The following FGA variants were observed in gnomAD, a reference collection of about 807,000 sequenced individuals.
FGA encodes the protein fibrinogen alpha chain, also known as fibrinogen, A alpha polypeptide.
Under a neutral mutation model 20.3 loss-of-function variants are expected in FGA, and 20 were observed. The observed-to-expected ratio is 0.99, with a 90% CI of 0.69 to 1.43. FGA has a LOEUF of 1.43. Ranked by LOEUF, FGA falls within the 40% of genes most tolerant of loss-of-function variation. The pLI is 0.00. For synonymous variants in FGA, 306 were observed against 281.6 expected, an observed-to-expected ratio of 1.09 and a Z score of -0.87; for missense variants, 777 against 784.7, an observed-to-expected ratio of 0.99 and a Z score of 0.12.
downstream of FGA, chr4:154,584,177 C>T: frequency 6.2e-7 from 1 of 1,611,172 alleles, no homozygotes; most frequent in South Asian, 1.1e-5. Context: ...AGGGAATAAT[C>T]TGCCCCTCTA....
chr4:154,590,529 G>C, intron 1 of FGA, 105 bp downstream of exon 1: 3 of 997,122 alleles, frequency 3.0e-6, no homozygotes, highest in Middle Eastern at 4.1e-4. Context: ...GGGTCATAAA[G>C]CTAAGAGTGT....
chr4:154,587,722 A>C (rs1730763303), intron 3 of FGA, 65 bp from the exon 4 acceptor site: 4 of 974,028 alleles, frequency 4.1e-6, no homozygotes, highest in Admixed American at 3.4e-5. Flanking sequence ...GCCAGCAAAA[A>C]AGAAAGGAAG....
At chr4:154,588,655 AG>A in intron 3 of FGA, 137 bp downstream of exon 3, 1 of 678,714 alleles carries the variant, frequency 1.5e-6, no homozygotes, top group African/African-American at 1.8e-5. Flanking sequence ...TAAAATTTTC[AG>A]GGATATTATG....
intron 1 of FGA, 77 bp from the exon 2 acceptor site, chr4:154,589,639 A>T: frequency 6.6e-7 from 1 of 1,525,750 alleles, no homozygotes; most frequent in Non-Finnish European, 9.0e-7. Flanking sequence ...GCATGCCTAC[A>T]AGTCCCCAGG....
chr4:154,588,241 A>T (rs1168666968), intron 3 of FGA, among the ~76,000 whole-genome samples: 1 of 152,236 alleles, frequency 6.6e-6, no homozygotes, highest in Non-Finnish European at 1.5e-5. Context: ...GTAAAAAGGC[A>T]AAGCAAAACT....
intron 3 of FGA, among the ~76,000 whole-genome samples, chr4:154,588,277 C>T (rs1202815115): frequency 6.6e-6 from 1 of 152,174 alleles, no homozygotes; most frequent in African/African-American, 2.4e-5. Flanking sequence ...TCCCTAGACT[C>T]GCTGTCCATG....
At position 154,588,819 on chromosome 4, in the gene FGA, A is replaced by C; in HGVS notation, c.338T>G (p.Leu113Trp). Residue 113 changes from leucine to tryptophan, a missense_variant, in exon 3 of 5, where the codon TTG becomes TGG. Coordinates refer to ENST00000403106, the MANE Select transcript of FGA (RefSeq NM_021871.4). ...ATTGGCTGAGGAAAAATCGCCTCTCAAAATTTCCATTATATTAGTGGTCAA... is the reference window on the plus strand; with the variant it reads ...ATTGGCTGAGGAAAAATCGCCTCTCCAAATTTCCATTATATTAGTGGTCAA... ...HSLTTNIMEI[L>W]RGDFSSANNR... The C allele has an allele frequency of 1.2e-6, 2 of 1,611,924 alleles. No homozygotes were observed. The highest frequency in any genetic ancestry group is 1.7e-6 in the Non-Finnish European group (2 of 1,179,138).
chr4:154,587,436 C>T (rs1019866492), intron 4 of FGA, 76 bp downstream of exon 4: 1 of 1,287,452 alleles, frequency 7.8e-7, no homozygotes, highest in Admixed American at 1.7e-5. Context: ...ATAGTAGACA[C>T]TCAGTGCATA....
In FGA at chr4:154,589,422, C is replaced by A. The variant is rs768859554; in HGVS notation, c.180+15G>T. ...AGAGGGAAGGAATCTCCTGCTTCCC[C>A]CGCTGACTGCTTACCCAGTCTTCAT... On this transcript the variant is annotated intron_variant, in intron 2 of 4. Transcript: ENST00000403106. The A allele has an allele frequency of 6.2e-7, 1 of 1,613,748 alleles. No individual in the cohort carries two copies. Among genetic ancestry groups the A allele is most frequent in the Middle Eastern group, 1.7e-4 (1 of 6,034 alleles).
rs1402885271 is a variant in FGA, at chr4:154,588,879, A to G, written c.278T>C (p.Phe93Ser). 2 of 1,611,670 alleles carry G rather than the reference A, an allele frequency of 1.2e-6. No individual in the cohort carries two copies. The highest frequency in any genetic ancestry group is 2.2e-5 in the South Asian group (2 of 90,968). ...ATCCTTATTGTTCTTCTGATATTCA[A>G]ATAGTGAATTTTTGAGCTTATTTAT... ...NRINKLKNSL[F>S]EYQKNNKDSH... The change falls in exon 3 of 5, where the codon TTT (phenylalanine) becomes TCT (serine). Residue 93 changes from phenylalanine (F) to serine (S), a missense_variant. Transcript: ENST00000403106.
intron 3 of FGA, 101 bp downstream of exon 3, chr4:154,588,692 C>T: frequency 4.5e-6 from 4 of 896,962 alleles, no homozygotes; most frequent in Non-Finnish European, 7.4e-6. Context: ...ACACTAAGTA[C>T]TTTGGGATGA....
At position 154,586,610 on chromosome 4, in the gene FGA, G is replaced by C; in HGVS notation, c.819C>G (p.Gly273=). Reference sequence around the variant, plus strand: ...CTGATCCGGTTCCATAAGAGGTGGAGCCTCCTCGAGTAATCTCATTTCCAC... The same window carrying C: ...CTGATCCGGTTCCATAAGAGGTGGACCCTCCTCGAGTAATCTCATTTCCAC... ...RPGGNEITRG[G]STSYGTGSET... is the part of the protein sequence containing the mutation. The change falls in exon 5 of 5, where the codon GGC becomes GGG. Residue 273 remains glycine, a synonymous_variant. Transcript: ENST00000403106. 2 of 1,613,974 alleles carry C rather than the reference G, an allele frequency of 1.2e-6. No individual in the cohort carries two copies. Among genetic ancestry groups the C allele is most frequent in the Non-Finnish European group, 1.7e-6 (2 of 1,179,960 alleles).
Position 154,586,798 on chromosome 4 carries a change from C to G in FGA, c.631G>C (p.Asp211His), listed in dbSNP as rs765862926. The change falls in exon 5 of 5, where the codon GAC becomes CAC. Residue 211 changes from aspartate to histidine, a missense_variant. Asp to His is a moderately conservative substitution (Grantham distance 81). Coordinates refer to ENST00000403106, the MANE Select transcript of FGA (RefSeq NM_021871.4). ...TGCCTATCTCTAGAGGGAAGTAAGTCTTTGGCAATGACCTGTTCAAGTTGC... is the reference window on the plus strand; with the variant it reads ...TGCCTATCTCTAGAGGGAAGTAAGTGTTTGGCAATGACCTGTTCAAGTTGC... ...QKQLEQVIAKDLLPSRDRQHL... is the reference protein window; with the variant it reads ...QKQLEQVIAKHLLPSRDRQHL... 1.2e-6 allele frequency: 2 copies of G among 1,614,130 alleles called. No homozygotes were observed. The highest frequency in any genetic ancestry group is 1.7e-6 in the Non-Finnish European group (2 of 1,180,018).
In FGA at chr4:154,587,572, C is replaced by A. The variant is rs368446857; in HGVS notation, c.450G>T (p.Gln150His). The A allele has an allele frequency of 1.2e-6, 2 of 1,613,962 alleles. No homozygotes were observed. Among genetic ancestry groups the A allele is most frequent in the Non-Finnish European group, 1.7e-6 (2 of 1,179,928 alleles). ...VLKRKVIEKV[Q>H]HIQLLQKNVR... ...CATTTTTCTGCAGAAGCTGGATATGCTGTACTTTTTCTATGACTTTGCGCT... is the reference window on the plus strand; with the variant it reads ...CATTTTTCTGCAGAAGCTGGATATGATGTACTTTTTCTATGACTTTGCGCT... Residue 150 changes from glutamine (Q) to histidine (H), a missense_variant, in exon 4 of 5, where the codon CAG becomes CAT. Physicochemically the swap from Gln to His is conservative, Grantham distance 24. Coordinates refer to ENST00000403106, the MANE Select transcript of FGA (RefSeq NM_021871.4).
chr4:154,583,967 A>G (rs1730644231), downstream of FGA: 2 of 660,276 alleles, frequency 3.0e-6, no homozygotes, highest in Non-Finnish European at 5.4e-6. Context: ...TCAAAGACTA[A>G]TATGTCTCAG....
At chr4:154,584,173 T>C (rs769316920), downstream of FGA, 23 of 1,609,040 alleles carry the variant, frequency 1.4e-5, no homozygotes, top group South Asian at 1.8e-4. Flanking sequence ...CCTGAGGGAA[T>C]AATCTGCCCC....
At position 154,585,608 on chromosome 4, in the gene FGA, G is replaced by C. The variant is rs75588936; in HGVS notation, c.1821C>G (p.Ala607=). The C allele has an allele frequency of 6.2e-7, 1 of 1,614,086 alleles. No individual in the cohort carries two copies. Among genetic ancestry groups the C allele is most frequent in the South Asian group, 1.1e-5 (1 of 91,080 alleles). ...ESKSYKMADE[A]GSEADHEGTH... is the part of the protein sequence containing the mutation. ...TTCCTTCATGATCGGCTTCACTTCC[G>C]GCCTCATCTGCCATTTTATAGCTCT... is the stretch of plus-strand genomic sequence containing the variant. Residue 607 remains alanine, a synonymous_variant, in exon 5 of 5, where the codon GCC becomes GCG. Transcript: ENST00000403106.
At chr4:154,585,112 A>G (rs1441628121), downstream of FGA, 2 of 696,422 alleles carry the variant, frequency 2.9e-6, no homozygotes, top group Admixed American at 3.2e-5. Context: ...CAGGTAGCTA[A>G]GCATCACTTA....
downstream of FGA, chr4:154,584,308 C>T (rs749749951): frequency 6.2e-7 from 1 of 1,614,098 alleles, no homozygotes; most frequent in African/African-American, 1.3e-5. Context: ...ATACCACCAG[C>T]CTCCCCCATA....
Sources: allele counts gnomAD v4.1 joint callset (sites outside exome capture counted in the v4.1 genomes callset), GRCh38; gene constraint gnomAD v4.1.1; transcripts MANE v1.5; gene names NCBI Gene and HGNC (gene_info 2026-07-23, HGNC 2026-07-21).